The following PPM1E variants were observed in gnomAD, a reference collection of about 807,000 sequenced individuals.
PPM1E encodes the protein protein phosphatase 1E.
PPM1E carries 20 observed loss-of-function variants against 65.9 expected under a neutral mutation model. The ratio of observed to expected loss-of-function variants is 0.30; its 90% CI spans 0.21 to 0.44. The LOEUF (loss-of-function observed/expected upper bound fraction) is 0.44, where lower values mean the gene tolerates loss of function less well. Among genes scored for constraint, PPM1E ranks in the 20% least tolerant of loss-of-function variants. The pLI, the probability that PPM1E is intolerant of heterozygous loss-of-function variation, is 1.00. For synonymous variants in PPM1E, 352 were observed against 374.9 expected (o/e 0.94, Z 0.70); for missense variants, 713 against 953.1 (o/e 0.75, Z 3.32).
At chr17:58,830,964 C>T (rs150573171) in intron 1 of PPM1E, among the ~76,000 whole-genome samples, 107 of 150,830 alleles carry the variant, frequency 7.1e-4, no homozygotes, top group African/African-American at 2.5e-3. Flanking sequence ...CTATTACAGG[C>T]GTGAGCCACC....
intron 1 of PPM1E, among the ~76,000 whole-genome samples, chr17:58,935,753 A>G (rs2051971268): frequency 6.6e-6 from 1 of 152,158 alleles, no homozygotes; most frequent in Non-Finnish European, 1.5e-5. Flanking sequence ...GAACCTGATC[A>G]GTGTGAGCAA....
At chr17:58,879,583 A>G (rs1275952631) in intron 1 of PPM1E, among the ~76,000 whole-genome samples, 5 of 130,548 alleles carry the variant, frequency 3.8e-5, no homozygotes, top group African/African-American at 1.5e-4. Context: ...TTGTCGGCTC[A>G]CTGCAAGCTC....
chr17:58,760,516 C>T (rs2049811439), intron 1 of PPM1E, among the ~76,000 whole-genome samples: 3 of 152,124 alleles, frequency 2.0e-5, no homozygotes, highest in Non-Finnish European at 4.4e-5. Flanking sequence ...TTCTTCATTC[C>T]CACTGTCATT....
chr17:58,810,633 A>G (rs1483976986), intron 1 of PPM1E, among the ~76,000 whole-genome samples: 1 of 152,110 alleles, frequency 6.6e-6, no homozygotes, highest in Non-Finnish European at 1.5e-5. Context: ...CCAGCCTTTC[A>G]CCTTATGGTT....
At chr17:58,759,506 C>T (rs766166079) in intron 1 of PPM1E, among the ~76,000 whole-genome samples, 11 of 152,208 alleles carry the variant, frequency 7.2e-5, no homozygotes, top group Non-Finnish European at 1.6e-4. Flanking sequence ...TTTCTCTATA[C>T]ACTACTAGAG....
intron 1 of PPM1E, among the ~76,000 whole-genome samples, chr17:58,776,901 G>A (rs1002865021): frequency 6.6e-6 from 1 of 152,118 alleles, no homozygotes; most frequent in Non-Finnish European, 1.5e-5. Context: ...AGAATAAAGA[G>A]TTAGAAAAGA....
At chr17:58,919,573 A>G (rs1478749687) in intron 1 of PPM1E, among the ~76,000 whole-genome samples, 1 of 151,986 alleles carries the variant, frequency 6.6e-6, no homozygotes, top group Non-Finnish European at 1.5e-5. Flanking sequence ...ATCACCTGAG[A>G]TCGGGAGTTT....
intron 1 of PPM1E, among the ~76,000 whole-genome samples, chr17:58,894,267 T>A (rs2051384737): frequency 6.6e-6 from 1 of 152,068 alleles, no homozygotes; most frequent in Non-Finnish European, 1.5e-5. Context: ...GATTAACAGG[T>A]TTGCACCACC....
chr17:58,832,163 T>C (rs2050612713), intron 1 of PPM1E, among the ~76,000 whole-genome samples: 1 of 152,178 alleles, frequency 6.6e-6, no homozygotes, highest in South Asian at 2.1e-4. Flanking sequence ...GTATTTTTTC[T>C]TCTCTAGCGT....
intron 1 of PPM1E, among the ~76,000 whole-genome samples, chr17:58,805,985 CAAAACAAAACAAAA>C (rs2050308609): frequency 3.9e-5 from 3 of 77,478 alleles, no homozygotes; most frequent in African/African-American, 1.8e-4. Flanking sequence ...AAAAAAAAAA[CAAAACAAAACAAAA>C]CAAAAAAAAA....
intron 1 of PPM1E, among the ~76,000 whole-genome samples, chr17:58,891,190 C>G (rs2051340051): frequency 6.6e-6 from 1 of 151,836 alleles, no homozygotes; most frequent in Admixed American, 6.6e-5. Flanking sequence ...GGTCTCAAAC[C>G]CCCGACCTCA....
At chr17:58,794,842 T>C (rs1263359690) in intron 1 of PPM1E, among the ~76,000 whole-genome samples, 1 of 152,154 alleles carries the variant, frequency 6.6e-6, no homozygotes, top group Non-Finnish European at 1.5e-5. Context: ...ATCCCATGTC[T>C]TTGACATTGT....
chr17:58,836,074 A>G (rs1360457616), intron 1 of PPM1E: 1 of 152,176 alleles, frequency 6.6e-6, no homozygotes, highest in African/African-American at 2.4e-5. Context: ...CAGTAGAGCT[A>G]GGATTCAAAC....
chr17:58,886,723 C>T (rs143140779), intron 1 of PPM1E, among the ~76,000 whole-genome samples: 66 of 152,284 alleles, frequency 4.3e-4, no homozygotes, highest in African/African-American at 1.5e-3. Flanking sequence ...TTAAAAAGAA[C>T]AAATGATGCA....
intron 1 of PPM1E, among the ~76,000 whole-genome samples, chr17:58,756,933 G>A (rs1230451492): frequency 2.0e-5 from 3 of 152,224 alleles, no homozygotes; most frequent in Non-Finnish European, 2.9e-5. Context: ...TGGCGGCAGA[G>A]ACGCGACTCC....
rs2031569570 is a variant in PPM1E at position 58,984,052 on chromosome 17, T to C, written c.*3021T>C. 1 of 152,650 alleles carries C rather than the reference T, an allele frequency of 6.6e-6. No homozygotes were observed. The highest frequency in any genetic ancestry group is 1.5e-5 in the Non-Finnish European group (1 of 68,026). 9.5% of individuals were successfully genotyped at this position (152,650 alleles called of 1,614,324 possible). ...TGGGGCTATTAATCCCATTTAGGTC[T>C]GTACTAAAGAGGATGGGTAGAAACA... On this transcript the variant is annotated 3_prime_UTR_variant, in exon 7 of 7. Coordinates refer to ENST00000308249, the MANE Select transcript of PPM1E (RefSeq NM_014906.5).
In PPM1E at chr17:58,778,831, A is replaced by G. The variant is rs896044683; in HGVS notation, c.464+22370A>G. Among the ~76,000 whole-genome samples, 11 of 150,894 alleles carry G rather than the reference A, an allele frequency of 7.3e-5. 1 individual carries two copies. The highest frequency in any genetic ancestry group is 2.7e-4 in the African/African-American group (11 of 41,100). On this transcript the variant is annotated intron_variant, in intron 1 of 6. Transcript: ENST00000308249. ...ACTATGGGGAAAAAGAACAAAACTT[A>G]CTTGTATTTTGCCACTCCAAAGAGC...
intron 1 of PPM1E, among the ~76,000 whole-genome samples, chr17:58,822,369 TA>T (rs1284012555): frequency 2.0e-5 from 3 of 149,360 alleles, no homozygotes; most frequent in Admixed American, 6.7e-5. Context: ...TTTATTTATT[TA>T]TTTATTTTTT....
intron 1 of PPM1E, among the ~76,000 whole-genome samples, chr17:58,940,453 C>A (rs981114577): frequency 1.3e-5 from 2 of 152,142 alleles, no homozygotes; most frequent in Non-Finnish European, 2.9e-5. Flanking sequence ...GTCAGCTAAT[C>A]CTCCTCCCTA....
Sources: gnomAD v4.1 joint callset for allele counts (sites outside exome capture counted in the v4.1 genomes callset) on GRCh38, gnomAD v4.1.1 for gene constraint, MANE v1.5 for transcripts, NCBI Gene and HGNC (gene_info 2026-07-23, HGNC 2026-07-21) for gene names.